Variants in SP3 observed in about 807,000 individuals in gnomAD.
SP3 encodes transcription factor Sp3.
A neutral mutation model predicts 70.3 loss-of-function variants in SP3; 10 were observed. The observed-to-expected ratio is 0.14, with a 90% CI of 0.09 to 0.24. SP3 has a LOEUF of 0.24. SP3 is among the 10% of genes least tolerant of loss of function. The pLI, the probability that SP3 is intolerant of heterozygous loss-of-function variation, is 1.00. For missense variants in SP3, 825 were observed against 914.6 expected, an observed-to-expected ratio of 0.90 and a Z score of 1.26; for synonymous variants, 402 against 333.5, an observed-to-expected ratio of 1.21 and a Z score of -2.24.
chr2:173,929,932 A>G (rs1460377552), intron 4 of SP3, among the ~76,000 whole-genome samples: 1 of 152,204 alleles, frequency 6.6e-6, no homozygotes, highest in Non-Finnish European at 1.5e-5. Context: ...ATCCAATTCC[A>G]AGCGCCAATG....
rs898153069 is a variant in SP3, at chr2:173,961,509, G to A, written c.279+2252C>T. Among the ~76,000 whole-genome samples the A allele has an allele frequency of 5.3e-5, 8 of 152,290 alleles. No individual in the cohort carries two copies. The East Asian group carries it at 1.3e-3, about 26-fold the overall frequency. ...ACATTAGTGGAAAAGCTGGTGAAAC[G>A]CAAACAAAGTCTGGTTAGTAATGTC... On this transcript the variant is annotated intron_variant, in intron 3 of 6. Coordinates refer to ENST00000310015, the MANE Select transcript of SP3 (RefSeq NM_003111.5).
intron 4 of SP3, among the ~76,000 whole-genome samples, chr2:173,928,775 A>G (rs915938997): frequency 6.6e-6 from 1 of 152,228 alleles, no homozygotes; most frequent in African/African-American, 2.4e-5. Flanking sequence ...TGGCTTTCAC[A>G]AAGAATAAAA....
At chr2:173,915,285 T>A (rs1221110631) in intron 5 of SP3, 3 of 151,978 alleles carry the variant, frequency 2.0e-5, no homozygotes, top group African/African-American at 7.3e-5. Context: ...AAGCTCAACA[T>A]CCAGGCCCAA....
chr2:173,951,322 G>T (rs937902319), intron 4 of SP3, among the ~76,000 whole-genome samples: 1 of 152,028 alleles, frequency 6.6e-6, no homozygotes, highest in African/African-American at 2.4e-5. Flanking sequence ...CATTACTGAC[G>T]TTCACAAAAA....
At chr2:173,923,776 T>A (rs1439052278) in intron 4 of SP3, among the ~76,000 whole-genome samples, 1 of 151,830 alleles carries the variant, frequency 6.6e-6, no homozygotes, top group African/African-American at 2.4e-5. Context: ...AGAATCAAAT[T>A]ACTTCATTTG....
In SP3 at chr2:173,904,154, A is replaced by AG. The variant is rs1003362218; in HGVS notation, c.*5786dup. 2.6e-5 allele frequency among the ~76,000 whole-genome samples: 4 copies of AG among 152,110 alleles called. No homozygotes were observed. Among genetic ancestry groups the AG allele is most frequent in the Admixed American group, 6.5e-5 (1 of 15,282 alleles). On this transcript the variant is annotated 3_prime_UTR_variant, in exon 7 of 7. Coordinates refer to ENST00000310015, the MANE Select transcript of SP3 (RefSeq NM_003111.5). ...CTAATGTTGTGGCTCATCTGACAGG[A>AG]GGCAGAGCTCAGGCAGGAATGCTCG...
intron 4 of SP3, among the ~76,000 whole-genome samples, chr2:173,952,517 C>T (rs1690738711): frequency 6.6e-6 from 1 of 152,098 alleles, no homozygotes; most frequent in African/African-American, 2.4e-5. Context: ...TTTGGAAAAC[C>T]GGTTAAACCC....
At chr2:173,913,366 A>G (rs1689541487) in intron 5 of SP3, 100 bp from the exon 6 acceptor site, 1 of 885,630 alleles carries the variant, frequency 1.1e-6, no homozygotes. Context: ...TAAATAGAAG[A>G]CATTATCATT....
At chr2:173,933,283 A>ATTTGTATTTTATTACAC (rs1459854488) in intron 4 of SP3, among the ~76,000 whole-genome samples, 1 of 152,114 alleles carries the variant, frequency 6.6e-6, no homozygotes, top group Non-Finnish European at 1.5e-5. Context: ...TGAAAATTCA[A>ATTTGTATTTTATTACAC]TTTGTATTTT....
At chr2:173,928,090 T>TTC (rs1474335461) in intron 4 of SP3, among the ~76,000 whole-genome samples, 2 of 152,204 alleles carry the variant, frequency 1.3e-5, no homozygotes, top group Non-Finnish European at 2.9e-5. Flanking sequence ...CCATCATCCC[T>TTC]TCTACTGTAC....
In SP3 at chr2:173,949,905, G is replaced by A. The variant is rs553109684; in HGVS notation, c.1639+4968C>T. Among the ~76,000 whole-genome samples, 23 of 152,274 alleles carry A rather than the reference G, an allele frequency of 1.5e-4. No individual in the cohort carries two copies. The East Asian group carries it at 2.3e-3, about 15-fold the overall frequency. On this transcript the variant is annotated intron_variant, in intron 4 of 6. Transcript: ENST00000310015. ...TTAGATAAAACAAAATCTGACAGAGGACTAAAATTTGAGAGACTGAATTAA... is the reference window on the plus strand; with the variant it reads ...TTAGATAAAACAAAATCTGACAGAGAACTAAAATTTGAGAGACTGAATTAA...
chr2:173,964,090 TC>T (rs1691184526), intron 2 of SP3: 1 of 341,482 alleles, frequency 2.9e-6, no homozygotes, highest in Non-Finnish European at 5.2e-6. Context: ...GCACCCCGGC[TC>T]CCCGGTCCGC....
Position 173,917,392 on chromosome 2 carries a change from G to A in SP3, c.1832+1201C>T, listed in dbSNP as rs148523309. 1.1e-3 allele frequency among the ~76,000 whole-genome samples: 175 copies of A among 152,220 alleles called. 2 individuals are homozygous for A. Among genetic ancestry groups the A allele is most frequent in the African/African-American group, 4.0e-3 (167 of 41,552 alleles). ...GGAGAGTCACTTGGGAGGCAGTATA[G>A]TTTAATGGTTAAGGCTCTGGAGTAA... On this transcript the variant is annotated intron_variant, in intron 5 of 6. Coordinates refer to ENST00000310015, the MANE Select transcript of SP3 (RefSeq NM_003111.5).
chr2:173,958,778 G>GA (rs1283779649), intron 3 of SP3, among the ~76,000 whole-genome samples: 110 of 139,606 alleles, frequency 7.9e-4, no homozygotes, highest in Middle Eastern at 7.4e-3. Context: ...TATTACACAA[G>GA]AAAAAAAAAA....
rs1010818136 is a variant in SP3, at chr2:173,964,477, G to T, written c.84C>A (p.Gly28=). Residue 28 remains glycine, a synonymous_variant, in exon 2 of 7, where the codon GGC becomes GGA. Transcript: ENST00000310015. Reference sequence around the variant, plus strand: ...GCTGCTGCAGATACTCGCCGTGGCCGCCGCCGCCGCCACCGCCGCCGCCGC... The same window carrying T: ...GCTGCTGCAGATACTCGCCGTGGCCTCCGCCGCCGCCACCGCCGCCGCCGC... ...VDSGGGGGGG[G]GHGEYLQQQQ... 3 of 702,224 alleles carry T rather than the reference G, an allele frequency of 4.3e-6. No homozygotes were observed. The highest frequency in any genetic ancestry group is 2.8e-5 in the East Asian group (1 of 35,094). The allele number at this position is 702,224 out of a possible 1,614,324, so 43.5% of individuals were successfully genotyped here.
At chr2:173,964,680 C>T (rs1208907102) in intron 1 of SP3, 127 bp from the exon 2 acceptor site, 3 of 387,936 alleles carry the variant, frequency 7.7e-6, no homozygotes, top group Admixed American at 5.1e-5. Context: ...CCCCCACCCG[C>T]CCCCCGGCGG....
chr2:173,933,136 A>AT (rs959021430), intron 4 of SP3, among the ~76,000 whole-genome samples: 14 of 151,574 alleles, frequency 9.2e-5, no homozygotes, highest in African/African-American at 1.7e-4. Flanking sequence ...CACATTCTTC[A>AT]TTTTTTTTTA....
chr2:173,911,865 C>T (rs946904746), intron 6 of SP3, among the ~76,000 whole-genome samples: 1 of 136,498 alleles, frequency 7.3e-6, no homozygotes, highest in Non-Finnish European at 1.5e-5. Context: ...GTCACCCAGG[C>T]TGCAGTACAG....
At chr2:173,964,350 G>A in intron 2 of SP3, 55 bp downstream of exon 2, 3 of 656,138 alleles carry the variant, frequency 4.6e-6, no homozygotes, top group Non-Finnish European at 8.2e-6. Flanking sequence ...GAGAGGCGAG[G>A]GGAGGAGAAA....
Sources: allele counts gnomAD v4.1 joint callset (sites outside exome capture counted in the v4.1 genomes callset), GRCh38; gene constraint gnomAD v4.1.1; transcripts MANE v1.5; gene names NCBI Gene and HGNC (gene_info 2026-07-23, HGNC 2026-07-21).